The following GIPC2 variants were observed in gnomAD, a reference collection of about 807,000 sequenced individuals.
GIPC2 encodes the protein GIPC PDZ domain containing family member 2.
In GIPC2, 30 loss-of-function variants were observed where a neutral mutation model predicts 30.6. That is an observed-to-expected ratio of 0.98 (90% confidence interval 0.73 to 1.33). GIPC2 has a LOEUF of 1.33. GIPC2 is among the 40% of genes most tolerant of loss of function. The pLI, the probability that GIPC2 is intolerant of heterozygous loss-of-function variation, is 0.00. For synonymous variants in GIPC2, 167 were observed against 150.0 expected (o/e 1.11, Z -0.83); for missense variants, 414 against 390.3 (o/e 1.06, Z -0.51).
intron 2 of GIPC2, among the ~76,000 whole-genome samples, chr1:78,083,965 T>C (rs929638492): frequency 6.6e-6 from 1 of 150,906 alleles, no homozygotes; most frequent in Admixed American, 6.6e-5. Context: ...TAGAGATTGA[T>C]AGTCAAGTTC....
intron 4 of GIPC2, among the ~76,000 whole-genome samples, chr1:78,122,644 A>G (rs1662703422): frequency 6.6e-6 from 1 of 152,150 alleles, no homozygotes; most frequent in Admixed American, 6.5e-5. Flanking sequence ...CTCATGATGC[A>G]ATCACCTCCC....
upstream of GIPC2, chr1:78,045,051 A>C: frequency 1.0e-6 from 1 of 981,902 alleles, no homozygotes. Context: ...GGAAGCCAAA[A>C]GAGGACAAAA....
chr1:78,120,501 G>A (rs1012826518), intron 4 of GIPC2, among the ~76,000 whole-genome samples: 2 of 152,078 alleles, frequency 1.3e-5, no homozygotes, highest in Admixed American at 6.6e-5. Context: ...ACTCTTCCAT[G>A]TCCTTAATTT....
chr1:78,102,157 A>C (rs1432823947), intron 3 of GIPC2, among the ~76,000 whole-genome samples: 1 of 152,182 alleles, frequency 6.6e-6, no homozygotes, highest in Non-Finnish European at 1.5e-5. Context: ...TATGGTCTTT[A>C]TTTTAGGGTT....
At chr1:78,114,370 A>G (rs1237679649) in intron 3 of GIPC2, among the ~76,000 whole-genome samples, 2 of 152,242 alleles carry the variant, frequency 1.3e-5, no homozygotes, top group Non-Finnish European at 2.9e-5. Context: ...AGGCCAGGCT[A>G]TAAATATATG....
At chr1:78,058,455 A>C (rs1256173908) in intron 1 of GIPC2, among the ~76,000 whole-genome samples, 1 of 152,044 alleles carries the variant, frequency 6.6e-6, no homozygotes, top group East Asian at 1.9e-4. Flanking sequence ...ATTCACTCAG[A>C]GCGCTTATTA....
chr1:78,135,062 G>C (rs1049317570), intron 5 of GIPC2, among the ~76,000 whole-genome samples: 3 of 152,180 alleles, frequency 2.0e-5, no homozygotes, highest in Non-Finnish European at 4.4e-5. Flanking sequence ...GATTCCACAG[G>C]TAGACAGATG....
chr1:78,047,113 T>A (rs547961103), intron 1 of GIPC2, among the ~76,000 whole-genome samples: 2 of 152,340 alleles, frequency 1.3e-5, no homozygotes, highest in South Asian at 4.1e-4. Context: ...TGGAACTAAG[T>A]TTGACACAGG....
At chr1:78,067,225 G>A (rs1380363654) in intron 1 of GIPC2, among the ~76,000 whole-genome samples, 9 of 152,106 alleles carry the variant, frequency 5.9e-5, no homozygotes, top group Non-Finnish European at 1.0e-4. Flanking sequence ...GGGTTTCAGG[G>A]TAGGGTGGCC....
intron 4 of GIPC2, among the ~76,000 whole-genome samples, chr1:78,123,563 G>A (rs1662725087): frequency 6.6e-6 from 1 of 152,172 alleles, no homozygotes; most frequent in Non-Finnish European, 1.5e-5. Flanking sequence ...CTTGGTTCCA[G>A]GGTATGGGTT....
At chr1:78,121,063 G>A (rs1234455818) in intron 4 of GIPC2, among the ~76,000 whole-genome samples, 1 of 152,162 alleles carries the variant, frequency 6.6e-6, no homozygotes, top group South Asian at 2.1e-4. Flanking sequence ...ATTCCTTTTA[G>A]TTTGAGAAAA....
intron 3 of GIPC2, among the ~76,000 whole-genome samples, chr1:78,097,362 C>G (rs1662157196): frequency 1.3e-5 from 2 of 152,306 alleles, no homozygotes; most frequent in Non-Finnish European, 2.9e-5. Context: ...GATAGGCCAC[C>G]TTGGCTGTAG....
At chr1:78,091,211 A>G (rs1048582744) in intron 2 of GIPC2, among the ~76,000 whole-genome samples, 1 of 152,232 alleles carries the variant, frequency 6.6e-6, no homozygotes, top group African/African-American at 2.4e-5. Flanking sequence ...ATGGAATGAT[A>G]AATATCCTTT....
At chr1:78,118,891 G>C (rs1437936480) in intron 3 of GIPC2, among the ~76,000 whole-genome samples, 1 of 152,076 alleles carries the variant, frequency 6.6e-6, no homozygotes, top group Non-Finnish European at 1.5e-5. Flanking sequence ...GTATTAAATG[G>C]GATTTTTTAA....
chr1:78,076,022 TAGA>T (rs1223248360), intron 1 of GIPC2, among the ~76,000 whole-genome samples: 2 of 152,210 alleles, frequency 1.3e-5, no homozygotes, highest in African/African-American at 4.8e-5. Context: ...TCATATAATT[TAGA>T]AGAAGTGAGG....
In GIPC2 at chr1:78,093,532, G is replaced by A. The variant is rs974219914; in HGVS notation, c.427-1420G>A. ...GGGATAAAAGAGAAATCTATTTTGAGTTTTGATTTATAATAATGCAATTTA... is the reference window on the plus strand; with the variant it reads ...GGGATAAAAGAGAAATCTATTTTGAATTTTGATTTATAATAATGCAATTTA... On this transcript the variant is annotated intron_variant, in intron 2 of 5. Transcript: ENST00000370759. Among the ~76,000 whole-genome samples the A allele has an allele frequency of 1.1e-4, 17 of 152,274 alleles. No individual in the cohort carries two copies. In the East Asian group the frequency reaches 2.7e-3, roughly 24 times the overall value.
intron 2 of GIPC2, chr1:78,092,057 A>G: frequency 6.5e-7 from 1 of 1,526,782 alleles, no homozygotes; most frequent in Non-Finnish European, 9.1e-7. Context: ...CTCCAAGTAG[A>G]CCATGTCAGC....
At chr1:78,059,528 AGT>A (rs1661354329) in intron 1 of GIPC2, among the ~76,000 whole-genome samples, 1 of 152,196 alleles carries the variant, frequency 6.6e-6, no homozygotes, top group South Asian at 2.1e-4. Flanking sequence ...GGATCACTTG[AGT>A]TCAGGGATTC....
At chr1:78,128,192 A>AT in intron 5 of GIPC2, among the ~76,000 whole-genome samples, 1 of 152,120 alleles carries the variant, frequency 6.6e-6, no homozygotes, top group Non-Finnish European at 1.5e-5. Flanking sequence ...TGCCTGGCTA[A>AT]TTTTTTTAAT....
Sources: gnomAD v4.1 joint callset for allele counts (sites outside exome capture counted in the v4.1 genomes callset) on GRCh38, gnomAD v4.1.1 for gene constraint, MANE v1.5 for transcripts, NCBI Gene and HGNC (gene_info 2026-07-23, HGNC 2026-07-21) for gene names.